CNTNAP2: variants seen among roughly 807,000 people sequenced by gnomAD.
CNTNAP2 encodes the protein contactin associated protein 2.
In CNTNAP2, 98 loss-of-function variants were observed where a neutral mutation model predicts 155.2. The ratio of observed to expected loss-of-function variants is 0.63; its 90% confidence interval spans 0.54 to 0.75. The LOEUF (loss-of-function observed/expected upper bound fraction) is 0.75, where lower values mean the gene tolerates loss of function less well. Ranked by LOEUF, CNTNAP2 falls within the 30% of genes least tolerant of loss-of-function variation. CNTNAP2 has a pLI of 0.00. For synonymous variants in CNTNAP2, 651 were observed against 631.2 expected, an observed-to-expected ratio of 1.03 and a Z score of -0.47; for missense variants, 1,727 against 1,688.1, an observed-to-expected ratio of 1.02 and a Z score of -0.40.
intron 1 of CNTNAP2, among the ~76,000 whole-genome samples, chr7:146,607,870 A>G (rs1258629900): frequency 6.6e-6 from 1 of 152,044 alleles, no homozygotes; most frequent in Non-Finnish European, 1.5e-5. Flanking sequence ...TGCTTCCAAA[A>G]TCTTCTGAAT....
chr7:147,538,212 T>C (rs1385569859), intron 11 of CNTNAP2, among the ~76,000 whole-genome samples: 2 of 152,254 alleles, frequency 1.3e-5, no homozygotes, highest in Non-Finnish European at 2.9e-5. Flanking sequence ...CTTTTAAGAA[T>C]GTTGAATCAA....
chr7:146,521,499 G>A (rs889624805), intron 1 of CNTNAP2, among the ~76,000 whole-genome samples: 1 of 151,802 alleles, frequency 6.6e-6, no homozygotes, highest in Non-Finnish European at 1.5e-5. Flanking sequence ...GTGGAAGAAG[G>A]TGAACTGCAT....
At chr7:146,402,465 A>G (rs1370320051) in intron 1 of CNTNAP2, among the ~76,000 whole-genome samples, 1 of 152,154 alleles carries the variant, frequency 6.6e-6, no homozygotes, top group Non-Finnish European at 1.5e-5. Context: ...ATTGTTCTAA[A>G]ATAAAATGTA....
At chr7:146,999,443 A>C (rs1275252286) in intron 3 of CNTNAP2, among the ~76,000 whole-genome samples, 1 of 152,010 alleles carries the variant, frequency 6.6e-6, no homozygotes, top group Non-Finnish European at 1.5e-5. Flanking sequence ...ACACCATCAT[A>C]GAGTAATAAA....
chr7:148,046,405 G>T (rs1218062010), intron 15 of CNTNAP2, among the ~76,000 whole-genome samples: 2 of 152,072 alleles, frequency 1.3e-5, no homozygotes, highest in Non-Finnish European at 2.9e-5. Flanking sequence ...ATTGAGTGTA[G>T]ACAATTTATA....
chr7:146,334,869 G>A (rs1801248929), intron 1 of CNTNAP2, among the ~76,000 whole-genome samples: 1 of 152,160 alleles, frequency 6.6e-6, no homozygotes, highest in African/African-American at 2.4e-5. Context: ...TGCACATGTA[G>A]GTTAATATCC....
intron 5 of CNTNAP2, among the ~76,000 whole-genome samples, chr7:147,115,868 A>G (rs1391177940): frequency 1.3e-5 from 2 of 152,104 alleles, no homozygotes; most frequent in African/African-American, 2.4e-5. Flanking sequence ...AGGTGTTGCA[A>G]TCATTTGGAG....
At chr7:148,299,234 C>T (rs576774055) in intron 21 of CNTNAP2, among the ~76,000 whole-genome samples, 13 of 152,280 alleles carry the variant, frequency 8.5e-5, no homozygotes, top group South Asian at 2.1e-4. Context: ...TTGTGATGTG[C>T]CCTCCTCAGC....
chr7:146,324,406 C>T (rs1373615797), intron 1 of CNTNAP2, among the ~76,000 whole-genome samples: 1 of 152,136 alleles, frequency 6.6e-6, no homozygotes, highest in Non-Finnish European at 1.5e-5. Flanking sequence ...CATAAATAGA[C>T]ACATCATCGG....
At chr7:146,438,473 A>C (rs184079068) in intron 1 of CNTNAP2, among the ~76,000 whole-genome samples, 2 of 151,486 alleles carry the variant, frequency 1.3e-5, no homozygotes, top group African/African-American at 4.9e-5. Flanking sequence ...CTTTGCCCAA[A>C]TATTACCTTC....
chr7:146,562,524 C>T (rs183030287), intron 1 of CNTNAP2, among the ~76,000 whole-genome samples: 6 of 152,036 alleles, frequency 3.9e-5, no homozygotes, highest in Non-Finnish European at 8.8e-5. Flanking sequence ...ATAATAAATG[C>T]TAAAATGTTG....
intron 15 of CNTNAP2, among the ~76,000 whole-genome samples, chr7:148,011,361 G>C (rs950741334): frequency 6.6e-6 from 1 of 151,840 alleles, no homozygotes; most frequent in Non-Finnish European, 1.5e-5. Flanking sequence ...ATTTCCTTTT[G>C]GTACATTTTA....
At chr7:146,625,952 A>ATATTAAATGATCAGAGGT (rs1474245351) in intron 1 of CNTNAP2, among the ~76,000 whole-genome samples, 1 of 152,122 alleles carries the variant, frequency 6.6e-6, no homozygotes, top group Non-Finnish European at 1.5e-5. Flanking sequence ...CATGAGTTAC[A>ATATTAAATGATCAGAGGT]TATTAAATGA....
intron 1 of CNTNAP2, among the ~76,000 whole-genome samples, chr7:146,679,056 A>G (rs1408909563): frequency 6.6e-6 from 1 of 152,200 alleles, no homozygotes; most frequent in Non-Finnish European, 1.5e-5. Flanking sequence ...ACTTTGTTAC[A>G]TAGGTAAACT....
chr7:148,080,051 A>G (rs979834900), intron 15 of CNTNAP2, among the ~76,000 whole-genome samples: 1 of 152,226 alleles, frequency 6.6e-6, no homozygotes, highest in African/African-American at 2.4e-5. Context: ...TTGTCTCCCT[A>G]TGAGAGTCAG....
At chr7:146,669,976 AAAAG>A (rs1293143492) in intron 1 of CNTNAP2, among the ~76,000 whole-genome samples, 1 of 152,178 alleles carries the variant, frequency 6.6e-6, no homozygotes, top group African/African-American at 2.4e-5. Flanking sequence ...TGTAATCTGT[AAAAG>A]AACATACATT....
At chr7:148,310,338 G>A (rs1022115509) in intron 21 of CNTNAP2, among the ~76,000 whole-genome samples, 4 of 152,188 alleles carry the variant, frequency 2.6e-5, no homozygotes, top group Non-Finnish European at 4.4e-5. Flanking sequence ...TTTCAGCAGT[G>A]AGTAAGTCAA....
intron 8 of CNTNAP2, among the ~76,000 whole-genome samples, chr7:147,231,327 T>C (rs1212754472): frequency 6.6e-6 from 1 of 152,246 alleles, no homozygotes; most frequent in Non-Finnish European, 1.5e-5. Flanking sequence ...TGTCCATTCA[T>C]CTGTGACTGA....
chr7:146,607,541 A>G (rs954105637), intron 1 of CNTNAP2, among the ~76,000 whole-genome samples: 2 of 152,062 alleles, frequency 1.3e-5, no homozygotes, highest in Non-Finnish European at 2.9e-5. Flanking sequence ...CAGTGGTGCA[A>G]TCATGGCTCA....
Sources: allele counts gnomAD v4.1 joint callset (sites outside exome capture counted in the v4.1 genomes callset), GRCh38; gene constraint gnomAD v4.1.1; transcripts MANE v1.5; gene names NCBI Gene and HGNC (gene_info 2026-07-23, HGNC 2026-07-21).